The following CCSER1 variants were observed in gnomAD, a reference collection of about 807,000 sequenced individuals.
CCSER1 encodes the protein serine-rich coiled-coil domain-containing protein 1.
CCSER1 carries 41 observed loss-of-function variants against 82.0 expected under a neutral mutation model. That is an observed-to-expected ratio of 0.50 (90% CI 0.39 to 0.65). The LOEUF (loss-of-function observed/expected upper bound fraction) is 0.65, where lower values mean the gene tolerates loss of function less well. CCSER1 is among the 30% of genes least tolerant of loss of function. The probability of loss-of-function intolerance (pLI) is 0.00; values close to 1 mark genes in which losing one functional copy is unlikely to be tolerated. For synonymous variants in CCSER1, 414 were observed against 383.9 expected, an observed-to-expected ratio of 1.08 and a Z score of -0.92; for missense variants, 1,119 against 1,064.2, an observed-to-expected ratio of 1.05 and a Z score of -0.72.
intron 9 of CCSER1, among the ~76,000 whole-genome samples, chr4:90,980,062 A>C (rs1316152751): frequency 6.6e-6 from 1 of 151,866 alleles, no homozygotes; most frequent in Admixed American, 6.6e-5. Flanking sequence ...TAAGGAGATA[A>C]ATAATCAGGG....
At chr4:91,114,969 C>A (rs756883427) in intron 10 of CCSER1, among the ~76,000 whole-genome samples, 1 of 151,772 alleles carries the variant, frequency 6.6e-6, no homozygotes, top group Non-Finnish European at 1.5e-5. Flanking sequence ...TTATACATGC[C>A]GTGAGTTTTT....
intron 1 of CCSER1, among the ~76,000 whole-genome samples, chr4:90,201,178 C>G (rs1402949962): frequency 2.6e-5 from 4 of 152,162 alleles, no homozygotes; most frequent in Non-Finnish European, 5.9e-5. Context: ...CAAATATACA[C>G]ATTAAACTCT....
intron 1 of CCSER1, among the ~76,000 whole-genome samples, chr4:90,183,092 A>G (rs1733996069): frequency 1.3e-5 from 2 of 152,148 alleles, no homozygotes; most frequent in Admixed American, 1.3e-4. Context: ...TTATTCTGAA[A>G]TAGAAAACTT....
chr4:91,019,681 T>C (rs777561649), intron 9 of CCSER1, among the ~76,000 whole-genome samples: 5 of 152,146 alleles, frequency 3.3e-5, no homozygotes, highest in Non-Finnish European at 5.9e-5. Context: ...TGAATAACAA[T>C]GTATGTAATT....
chr4:90,456,165 G>A (rs370607646), intron 4 of CCSER1, among the ~76,000 whole-genome samples: 22 of 152,180 alleles, frequency 1.4e-4, no homozygotes, highest in Admixed American at 5.2e-4. Flanking sequence ...TTTAAGTTCA[G>A]GGGTGGGGAA....
chr4:90,551,418 G>A (rs575748634), intron 5 of CCSER1, among the ~76,000 whole-genome samples: 1 of 151,838 alleles, frequency 6.6e-6, no homozygotes, highest in Non-Finnish European at 1.5e-5. Flanking sequence ...TTGCTTGCAG[G>A]CCTCAGAGCG....
rs145083369 is a variant in CCSER1, at chr4:91,216,005, G to A, written c.2217+130011G>A. On this transcript the variant is annotated intron_variant, in intron 10 of 10. Coordinates refer to ENST00000509176, the MANE Select transcript of CCSER1 (RefSeq NM_001145065.2). Reference sequence around the variant, plus strand: ...ATCCTCTCCCTCTTGTAACAAAAGCGGTCTGTGTTCTGAATCTCATACACT... The same window carrying A: ...ATCCTCTCCCTCTTGTAACAAAAGCAGTCTGTGTTCTGAATCTCATACACT... Among the ~76,000 whole-genome samples the A allele has an allele frequency of 6.9e-3, 1,047 of 152,154 alleles. 6 individuals carry two copies. The highest frequency in any genetic ancestry group is 0.018 in the South Asian group (86 of 4,828).
intron 7 of CCSER1, chr4:90,781,854 T>A: frequency 2.1e-6 from 2 of 939,146 alleles, no homozygotes; most frequent in Non-Finnish European, 2.5e-6. Context: ...GTTTTCTATT[T>A]CAGTTTATTT....
intron 8 of CCSER1, among the ~76,000 whole-genome samples, chr4:90,842,462 G>C (rs1451721055): frequency 6.6e-6 from 1 of 152,110 alleles, no homozygotes; most frequent in Non-Finnish European, 1.5e-5. Flanking sequence ...TTAGTCCAGG[G>C]ATGAAGCAAC....
chr4:91,428,236 C>T (rs780453760), intron 10 of CCSER1, among the ~76,000 whole-genome samples: 5 of 151,938 alleles, frequency 3.3e-5, no homozygotes, highest in African/African-American at 1.2e-4. Context: ...TTTTCATAAG[C>T]AATATTGCTT....
At chr4:91,249,918 G>A (rs1053835544) in intron 10 of CCSER1, among the ~76,000 whole-genome samples, 5 of 150,358 alleles carry the variant, frequency 3.3e-5, no homozygotes, top group African/African-American at 1.2e-4. Context: ...TAAGTGTTCT[G>A]GGGGGAAAGA....
intron 1 of CCSER1, among the ~76,000 whole-genome samples, chr4:90,172,251 A>G (rs1452708436): frequency 2.6e-5 from 4 of 151,944 alleles, no homozygotes; most frequent in Non-Finnish European, 5.9e-5. Context: ...TAAATGCTTC[A>G]TAGAGGAGTT....
chr4:90,651,614 C>G (rs528824732), intron 6 of CCSER1, among the ~76,000 whole-genome samples: 1 of 152,052 alleles, frequency 6.6e-6, no homozygotes, highest in South Asian at 2.1e-4. Context: ...GTGCAACAAA[C>G]CACCATGGCA....
At chr4:90,186,871 GCCTCTTTTGTGTTGCAC>G (rs1333893064) in intron 1 of CCSER1, among the ~76,000 whole-genome samples, 1 of 151,716 alleles carries the variant, frequency 6.6e-6, no homozygotes, top group African/African-American at 2.4e-5. Context: ...TGTAACCAAG[GCCTCTTTTGTGTTGCAC>G]CCTAATAAAG....
At chr4:91,512,795 T>C (rs941648141) in intron 10 of CCSER1, among the ~76,000 whole-genome samples, 4 of 152,142 alleles carry the variant, frequency 2.6e-5, no homozygotes, top group African/African-American at 9.7e-5. Context: ...ATACTACCTA[T>C]TTTTGTACAT....
chr4:90,614,797 GTTA>G (rs1414773151), intron 5 of CCSER1, among the ~76,000 whole-genome samples: 16 of 152,170 alleles, frequency 1.1e-4, no homozygotes, highest in Non-Finnish European at 2.2e-4. Flanking sequence ...AGCACAGAAA[GTTA>G]TCCAGAAAAT....
chr4:90,321,081 A>G (rs1737068035), intron 3 of CCSER1, among the ~76,000 whole-genome samples: 1 of 152,148 alleles, frequency 6.6e-6, no homozygotes, highest in Non-Finnish European at 1.5e-5. Flanking sequence ...TTCCAATTCC[A>G]GGTTTTTGTT....
intron 10 of CCSER1, among the ~76,000 whole-genome samples, chr4:91,141,849 G>C (rs144035065): frequency 8.9e-4 from 136 of 152,124 alleles, no homozygotes; most frequent in African/African-American, 3.2e-3. Context: ...TTGTTGTTTT[G>C]ATTTGCATTT....
At chr4:91,397,935 G>A (rs1050023083) in intron 10 of CCSER1, among the ~76,000 whole-genome samples, 5 of 151,918 alleles carry the variant, frequency 3.3e-5, no homozygotes, top group Non-Finnish European at 7.4e-5. Context: ...GGACGGGCAT[G>A]GGTAGAGAGG....
Sources: gnomAD v4.1 joint callset for allele counts (sites outside exome capture counted in the v4.1 genomes callset) on GRCh38, gnomAD v4.1.1 for gene constraint, MANE v1.5 for transcripts, NCBI Gene and HGNC (gene_info 2026-07-23, HGNC 2026-07-21) for gene names.